DNAI4: variants seen among roughly 807,000 people sequenced by gnomAD.
DNAI4 encodes dynein axonemal intermediate chain 4, also known as WD repeat domain 78.
In DNAI4, 85 loss-of-function variants were observed where a neutral mutation model predicts 105.8. That is an observed-to-expected ratio of 0.80 (90% confidence interval 0.67 to 0.96). DNAI4 has a LOEUF of 0.96. DNAI4 is among the 40% of genes least tolerant of loss of function. DNAI4 has a pLI of 0.00. For synonymous variants in DNAI4, 352 were observed against 331.5 expected, an observed-to-expected ratio of 1.06 and a Z score of -0.67; for missense variants, 1,014 against 1,005.6, an observed-to-expected ratio of 1.01 and a Z score of -0.11.
intron 1 of DNAI4, among the ~76,000 whole-genome samples, chr1:66,910,722 T>C (rs974705426): frequency 3.3e-5 from 5 of 152,346 alleles, no homozygotes; most frequent in Middle Eastern, 3.4e-3. Context: ...CTATCTAACA[T>C]AGTATATCTT....
At chr1:66,855,112 G>A (rs1396741316) in intron 7 of DNAI4, among the ~76,000 whole-genome samples, 1 of 152,112 alleles carries the variant, frequency 6.6e-6, no homozygotes, top group African/African-American at 2.4e-5. Context: ...TTCCCACTCA[G>A]TCACTAGTTT....
intron 4 of DNAI4, among the ~76,000 whole-genome samples, chr1:66,876,506 G>T (rs1365566230): frequency 2.0e-5 from 3 of 152,126 alleles, no homozygotes; most frequent in Non-Finnish European, 4.4e-5. Flanking sequence ...AAAAGTAATA[G>T]TCTAGTCAAC....
At chr1:66,868,859 T>C (rs906588154) in intron 6 of DNAI4, among the ~76,000 whole-genome samples, 6 of 151,730 alleles carry the variant, frequency 4.0e-5, no homozygotes, top group Admixed American at 1.3e-4. Context: ...GGGCAGATCA[T>C]GGGGTCAGGA....
chr1:66,853,702 C>G (rs975890260), intron 7 of DNAI4, among the ~76,000 whole-genome samples: 3 of 152,120 alleles, frequency 2.0e-5, no homozygotes, highest in Admixed American at 1.3e-4. Context: ...CCCAAACTGA[C>G]TAAGACAAGG....
At chr1:66,922,496 C>T (rs1306819103) in intron 1 of DNAI4, among the ~76,000 whole-genome samples, 1 of 152,018 alleles carries the variant, frequency 6.6e-6, no homozygotes, top group Non-Finnish European at 1.5e-5. Context: ...CCTGTGGGGC[C>T]CTGTAAAGAG....
At chr1:66,865,362 T>G (rs1483343950) in intron 6 of DNAI4, among the ~76,000 whole-genome samples, 1 of 152,130 alleles carries the variant, frequency 6.6e-6, no homozygotes. Flanking sequence ...AGGCAGAGGT[T>G]GCAGTGAGCC....
intron 7 of DNAI4, among the ~76,000 whole-genome samples, chr1:66,859,903 G>A (rs181684112): frequency 5.9e-5 from 9 of 152,206 alleles, no homozygotes; most frequent in African/African-American, 9.6e-5. Flanking sequence ...GAAACATGCC[G>A]TTATGCATTT....
At chr1:66,877,374 A>G (rs569593681) in intron 4 of DNAI4, among the ~76,000 whole-genome samples, 2 of 152,338 alleles carry the variant, frequency 1.3e-5, no homozygotes, top group Non-Finnish European at 2.9e-5. Context: ...TTCTAGTTAT[A>G]TGGTAAAGCA....
At chr1:66,921,227 G>T (rs568839216) in intron 1 of DNAI4, 1 of 152,168 alleles carries the variant, frequency 6.6e-6, no homozygotes, top group Non-Finnish European at 1.5e-5. Context: ...GAATATAAAG[G>T]CACTGGACAG....
intron 15 of DNAI4, among the ~76,000 whole-genome samples, chr1:66,824,396 CT>C (rs972306001): frequency 6.6e-6 from 1 of 152,046 alleles, no homozygotes; most frequent in African/African-American, 2.4e-5. Context: ...GATGCGGGCT[CT>C]TTTTTGGTTC....
chr1:66,871,203 A>T, intron 6 of DNAI4, 167 bp downstream of exon 6: 1 of 516,900 alleles, frequency 1.9e-6, no homozygotes, highest in Non-Finnish European at 3.3e-6. Flanking sequence ...ATTACTTAAC[A>T]TGTCAAATTC....
chr1:66,918,468 A>G (rs1650224642), intron 1 of DNAI4, among the ~76,000 whole-genome samples: 1 of 152,192 alleles, frequency 6.6e-6, no homozygotes, highest in African/African-American at 2.4e-5. Flanking sequence ...GTGCTTTCTT[A>G]AAGCCCTGTG....
intron 4 of DNAI4, among the ~76,000 whole-genome samples, chr1:66,886,907 A>T (rs1161234837): frequency 6.6e-6 from 1 of 152,134 alleles, no homozygotes; most frequent in Non-Finnish European, 1.5e-5. Flanking sequence ...TCTGGGCTAT[A>T]GTTTCAAAAT....
At chr1:66,877,117 A>AC (rs1646974461) in intron 4 of DNAI4, among the ~76,000 whole-genome samples, 1 of 152,110 alleles carries the variant, frequency 6.6e-6, no homozygotes, top group African/African-American at 2.4e-5. Flanking sequence ...ATTCTCAGAG[A>AC]CCCCAGTAGA....
intron 10 of DNAI4, among the ~76,000 whole-genome samples, chr1:66,836,216 G>GAGAGAA (rs1553212743): frequency 1.4e-4 from 14 of 99,536 alleles, no homozygotes; most frequent in South Asian, 3.7e-4. Flanking sequence ...AAGAGAGAGA[G>GAGAGAA]AGAGAGAGAG....
chr1:66,873,173 T>G (rs1014664204), intron 5 of DNAI4, among the ~76,000 whole-genome samples: 8 of 151,800 alleles, frequency 5.3e-5, no homozygotes, highest in Admixed American at 4.6e-4. Flanking sequence ...TCCTTCTCCC[T>G]TTCCTTCTCC....
intron 10 of DNAI4, among the ~76,000 whole-genome samples, chr1:66,836,438 C>T (rs947683595): frequency 1.3e-5 from 2 of 151,994 alleles, no homozygotes; most frequent in Non-Finnish European, 2.9e-5. Context: ...CACCTGTCTA[C>T]CTTCTTATGG....
intron 1 of DNAI4, among the ~76,000 whole-genome samples, chr1:66,915,258 T>C (rs1649981405): frequency 6.6e-6 from 1 of 152,218 alleles, no homozygotes. Flanking sequence ...ATAAGGAGGT[T>C]TGTTTTGGGA....
At chr1:66,887,303 G>A (rs528856210) in intron 4 of DNAI4, among the ~76,000 whole-genome samples, 3 of 152,256 alleles carry the variant, frequency 2.0e-5, no homozygotes, top group African/African-American at 7.2e-5. Context: ...ATCTTAAGGT[G>A]GCAGTTTGCC....
Sources: gnomAD v4.1 joint callset for allele counts (sites outside exome capture counted in the v4.1 genomes callset) on GRCh38, gnomAD v4.1.1 for gene constraint, MANE v1.5 for transcripts, NCBI Gene and HGNC (gene_info 2026-07-23, HGNC 2026-07-21) for gene names.